Variants in NR1H4 observed in about 807,000 individuals in gnomAD.
NR1H4 encodes the protein bile acid receptor.
NR1H4 carries 23 observed loss-of-function variants against 58.5 expected under a neutral mutation model. The observed-to-expected ratio is 0.39, with a 90% confidence interval of 0.28 to 0.56. The LOEUF (loss-of-function observed/expected upper bound fraction) is 0.56. NR1H4 is among the 20% of genes least tolerant of loss of function. The pLI, the probability that NR1H4 is intolerant of heterozygous loss-of-function variation, is 0.58. For synonymous variants in NR1H4, 214 were observed against 198.0 expected, an observed-to-expected ratio of 1.08 and a Z score of -0.68; for missense variants, 487 against 576.9, an observed-to-expected ratio of 0.84 and a Z score of 1.60.
rs1284255974 is a variant in NR1H4 at position 100,563,968 on chromosome 12, GTC to G, written c.*484_*485del. 1 of 159,094 alleles carries G rather than the reference GTC, an allele frequency of 6.3e-6. No homozygotes were observed. The highest frequency in any genetic ancestry group is 2.4e-5 in the African/African-American group (1 of 41,484). 9.9% of individuals were successfully genotyped at this position (159,094 alleles called of 1,614,324 possible). A position where few individuals can be genotyped will look rare whatever the true frequency, so the allele number is the denominator to read the frequency against. On this transcript the variant is annotated 3_prime_UTR_variant, in exon 11 of 11. Transcript: ENST00000392986. ...AGGGGGTAATTTACAGAAAGATACT[GTC>G]TCTCGCACTTTTGTCATCTCTGGAA...
chr12:100,511,450 GTTTGTT>G (rs1017507651), intron 4 of NR1H4, among the ~76,000 whole-genome samples: 1 of 151,936 alleles, frequency 6.6e-6, no homozygotes, highest in African/African-American at 2.4e-5. Flanking sequence ...TGTAGGTTTT[GTTTGTT>G]TTTGTTGTTT....
intron 8 of NR1H4, among the ~76,000 whole-genome samples, chr12:100,540,394 A>G (rs971815377): frequency 5.9e-5 from 9 of 152,154 alleles, no homozygotes; most frequent in Non-Finnish European, 7.3e-5. Flanking sequence ...ACCTGTGTCT[A>G]GTTTCTGAGG....
chr12:100,544,728 A>G (rs767336312), intron 9 of NR1H4, among the ~76,000 whole-genome samples: 1 of 152,114 alleles, frequency 6.6e-6, no homozygotes, highest in Admixed American at 6.6e-5. Context: ...GAGCTATAAA[A>G]CTGGTCTGTT....
At chr12:100,479,404 A>AG (rs1953333252) in intron 1 of NR1H4, among the ~76,000 whole-genome samples, 2 of 152,184 alleles carry the variant, frequency 1.3e-5, no homozygotes, top group South Asian at 4.1e-4. Flanking sequence ...TTACCCTCAA[A>AG]GCATAGGCAA....
rs1368563403 is a variant in NR1H4 at position 100,563,236 on chromosome 12, T to C, written c.1193-15T>C. 6.3e-7 allele frequency: 1 copy of C among 1,586,310 alleles called. No homozygotes were observed. ...ACTTTTTAATTTTGTCATTTTATTTTAAACTTCAAAACAGATAGACAATAC... is the reference window on the plus strand; with the variant it reads ...ACTTTTTAATTTTGTCATTTTATTTCAAACTTCAAAACAGATAGACAATAC... On this transcript the variant is annotated splice_polypyrimidine_tract_variant and intron_variant, in intron 10 of 10. Coordinates refer to ENST00000392986, the MANE Select transcript of NR1H4 (RefSeq NM_001206979.2).
intron 3 of NR1H4, among the ~76,000 whole-genome samples, chr12:100,504,509 G>A (rs1048792436): frequency 6.6e-6 from 1 of 152,174 alleles, no homozygotes; most frequent in Non-Finnish European, 1.5e-5. Context: ...TGAGTTAGAT[G>A]CCAGGAATAT....
intron 1 of NR1H4, among the ~76,000 whole-genome samples, chr12:100,490,852 A>G (rs1237173675): frequency 6.6e-6 from 1 of 152,160 alleles, no homozygotes; most frequent in Non-Finnish European, 1.5e-5. Context: ...ATGCAGTGGC[A>G]TGATCAGAGT....
chr12:100,564,361 ATTC>A lies in NR1H4; in HGVS notation c.*877_*879del, dbSNP rs913766999. On this transcript the variant is annotated 3_prime_UTR_variant, in exon 11 of 11. Transcript: ENST00000392986. ...CCTTCCTTCATTGTTACACTGTTGCATTCTTCTCCCTATTATCCTTTGGTGAAT... is the reference window on the plus strand; with the variant it reads ...CCTTCCTTCATTGTTACACTGTTGCATTCTCCCTATTATCCTTTGGTGAAT... The A allele has an allele frequency of 6.6e-6, 1 of 152,182 alleles. No homozygotes were observed. The highest frequency in any genetic ancestry group is 2.4e-5 in the African/African-American group (1 of 41,446). The allele number at this position is 152,182 out of a possible 1,614,324, so 9.4% of individuals were successfully genotyped here. A position where few individuals can be genotyped will look rare whatever the true frequency, so the allele number is the denominator to read the frequency against.
chr12:100,547,936 G>C (rs1161522526), intron 9 of NR1H4, among the ~76,000 whole-genome samples: 1 of 150,638 alleles, frequency 6.6e-6, no homozygotes, highest in Admixed American at 6.6e-5. Context: ...TAGCCAGGAT[G>C]GTCTCGATCT....
At chr12:100,552,648 C>A (rs1339756026) in intron 9 of NR1H4, among the ~76,000 whole-genome samples, 2 of 152,198 alleles carry the variant, frequency 1.3e-5, no homozygotes, top group African/African-American at 4.8e-5. Context: ...TCTGGCCAGT[C>A]ACAGTGGCTC....
At chr12:100,540,916 A>G (rs1272791178) in intron 9 of NR1H4, 98 bp downstream of exon 9, 3 of 1,145,196 alleles carry the variant, frequency 2.6e-6, no homozygotes, top group South Asian at 1.2e-5. Flanking sequence ...GCAATGTTAT[A>G]TGCCTGTTGT....
chr12:100,507,475 T>G (rs145649373), intron 3 of NR1H4, among the ~76,000 whole-genome samples: 11,308 of 152,136 alleles, frequency 0.074, 821 homozygotes, highest in African/African-American at 0.18. Context: ...TTGTTTTTGT[T>G]TTTTTTGAGA....
chr12:100,479,121 T>C (rs1953328601), intron 1 of NR1H4, among the ~76,000 whole-genome samples: 1 of 152,184 alleles, frequency 6.6e-6, no homozygotes, highest in African/African-American at 2.4e-5. Flanking sequence ...TATATATTGT[T>C]TGTACTAATA....
At position 100,492,559 on chromosome 12, in the gene NR1H4, G is replaced by A. The variant is rs1430917405; in HGVS notation, c.-133G>A. 1.3e-5 allele frequency: 2 copies of A among 152,168 alleles called. No homozygotes were observed. Among genetic ancestry groups the A allele is most frequent in the Admixed American group, 1.3e-4 (2 of 15,280 alleles). 9.4% of individuals were successfully genotyped at this position (152,168 alleles called of 1,614,324 possible). A position where few individuals can be genotyped will look rare whatever the true frequency, so the allele number is the denominator to read the frequency against. On this transcript the variant is annotated 5_prime_UTR_variant, in exon 2 of 11. Transcript: ENST00000392986. ...GAAGAAAAGAAGACTTAGAAACATA[G>A]CTCAAAGTGAACACTGCTTCTCTTA... is the stretch of plus-strand genomic sequence containing the variant.
chr12:100,557,906 C>T (rs946874326), intron 9 of NR1H4, among the ~76,000 whole-genome samples: 16 of 152,294 alleles, frequency 1.1e-4, no homozygotes, highest in Middle Eastern at 6.8e-3. Flanking sequence ...GAAACATCCT[C>T]ATCTCAATTA....
intron 1 of NR1H4, among the ~76,000 whole-genome samples, chr12:100,476,956 T>A (rs367870423): frequency 2.6e-5 from 4 of 152,174 alleles, no homozygotes; most frequent in Non-Finnish European, 5.9e-5. Flanking sequence ...GTCACAGTAG[T>A]TTCTACCAGT....
At chr12:100,512,174 A>T (rs1030097242) in intron 4 of NR1H4, among the ~76,000 whole-genome samples, 3 of 152,128 alleles carry the variant, frequency 2.0e-5, no homozygotes, top group Non-Finnish European at 4.4e-5. Context: ...TTGAGGCTGC[A>T]GTGAGCCGTG....
intron 1 of NR1H4, among the ~76,000 whole-genome samples, chr12:100,492,217 T>G (rs1221028321): frequency 6.6e-6 from 1 of 152,142 alleles, no homozygotes; most frequent in Non-Finnish European, 1.5e-5. Flanking sequence ...CAAGTGCACC[T>G]GAAACTCACT....
At chr12:100,485,885 T>C (rs1953481236) in intron 1 of NR1H4, among the ~76,000 whole-genome samples, 2 of 152,208 alleles carry the variant, frequency 1.3e-5, no homozygotes, top group Admixed American at 1.3e-4. Context: ...ATTATTTTAA[T>C]TGCTGTATAG....
Sources: allele counts gnomAD v4.1 joint callset (sites outside exome capture counted in the v4.1 genomes callset), GRCh38; gene constraint gnomAD v4.1.1; transcripts MANE v1.5; gene names NCBI Gene and HGNC (gene_info 2026-07-23, HGNC 2026-07-21).